RGL1: variants seen among roughly 807,000 people sequenced by gnomAD.
RGL1 encodes ral guanine nucleotide dissociation stimulator like 1.
A neutral mutation model predicts 95.2 loss-of-function variants in RGL1; 24 were observed. The ratio of observed to expected loss-of-function variants is 0.25; its 90% confidence interval spans 0.18 to 0.35. RGL1 has a LOEUF of 0.35. Ranked by LOEUF, RGL1 falls within the 10% of genes least tolerant of loss-of-function variation. The pLI is 1.00. For synonymous variants in RGL1, 329 were observed against 344.9 expected, an observed-to-expected ratio of 0.95 and a Z score of 0.51; for missense variants, 715 against 936.3, an observed-to-expected ratio of 0.76 and a Z score of 3.08.
At chr1:183,730,920 A>G (rs1031817254) in intron 1 of RGL1, among the ~76,000 whole-genome samples, 1 of 152,218 alleles carries the variant, frequency 6.6e-6, no homozygotes, top group Non-Finnish European at 1.5e-5. Flanking sequence ...TTAAGGGCAC[A>G]CAAAAGAGTA....
At chr1:183,697,053 T>C (rs1654293937) in intron 1 of RGL1, among the ~76,000 whole-genome samples, 1 of 152,216 alleles carries the variant, frequency 6.6e-6, no homozygotes, top group African/African-American at 2.4e-5. Flanking sequence ...AATTACAATA[T>C]GTATGGTAAA....
chr1:183,696,388 C>A lies in RGL1; in HGVS notation c.-32-45738C>A, dbSNP rs12091754. 1.8e-3 allele frequency among the ~76,000 whole-genome samples: 280 copies of A among 152,284 alleles called. 6 individuals are homozygous for A. The East Asian group carries it at 0.043, about 23-fold the overall frequency. ...AAAATGATTCCAGAGAATATTTTCT[C>A]AACTTTTTCCAAGGAAAATAACTAG... On this transcript the variant is annotated intron_variant, in intron 1 of 18. Coordinates refer to the RGL1 transcript ENST00000304685.
chr1:183,648,285 G>A, intron 1 of RGL1: 1 of 1,614,178 alleles, frequency 6.2e-7, no homozygotes, highest in Admixed American at 1.7e-5. Context: ...CCATGCTGAG[G>A]CAGGAAAGTC....
intron 1 of RGL1, among the ~76,000 whole-genome samples, chr1:183,715,434 G>A (rs17559937): frequency 0.52 from 78,346 of 151,820 alleles, 20,867 homozygotes; most frequent in East Asian, 0.88. Context: ...ATTTTCACAC[G>A]TCTGTCTCCC....
chr1:183,677,675 T>C (rs1209235061), intron 1 of RGL1, among the ~76,000 whole-genome samples: 1 of 152,204 alleles, frequency 6.6e-6, no homozygotes, highest in Non-Finnish European at 1.5e-5. Flanking sequence ...TGCTATGTAT[T>C]GAACCTTTAT....
intron 2 of RGL1, among the ~76,000 whole-genome samples, chr1:183,824,903 C>T (rs1226190699): frequency 6.6e-6 from 1 of 152,122 alleles, no homozygotes; most frequent in African/African-American, 2.4e-5. Context: ...ATGTAATCAC[C>T]CTCCGCCAAG....
intron 1 of RGL1, among the ~76,000 whole-genome samples, chr1:183,695,061 T>TA (rs1654174825): frequency 6.6e-6 from 1 of 152,208 alleles, no homozygotes. Context: ...TTGGATGATC[T>TA]AAGTGGAAAA....
upstream of RGL1, among the ~76,000 whole-genome samples, chr1:183,804,666 T>TA (rs1310873293): frequency 1.3e-5 from 2 of 152,230 alleles, no homozygotes; most frequent in East Asian, 1.9e-4. Context: ...GGAGAGGGTA[T>TA]AGCCCCTGGG....
chr1:183,679,287 T>C (rs1572265044), intron 1 of RGL1, among the ~76,000 whole-genome samples: 2 of 152,288 alleles, frequency 1.3e-5, no homozygotes, highest in East Asian at 1.9e-4. Context: ...GTGCAGAACA[T>C]GCAGGTTTGT....
chr1:183,808,077 G>A (rs1661459390), intron 2 of RGL1, among the ~76,000 whole-genome samples: 2 of 152,128 alleles, frequency 1.3e-5, no homozygotes, highest in South Asian at 4.2e-4. Context: ...TTGCTTGGGT[G>A]ACTGTTTTAG....
chr1:183,882,159 T>A (rs1254551211), intron 5 of RGL1, among the ~76,000 whole-genome samples: 1 of 152,250 alleles, frequency 6.6e-6, no homozygotes, highest in Non-Finnish European at 1.5e-5. Flanking sequence ...TCGTGCTTCA[T>A]GTTGTTACTT....
chr1:183,925,816 C>T (rs1461968610), intron 17 of RGL1, among the ~76,000 whole-genome samples: 1 of 152,188 alleles, frequency 6.6e-6, no homozygotes, highest in Non-Finnish European at 1.5e-5. Context: ...TTTTCTTGGC[C>T]TCTGTTTCCT....
At chr1:183,918,986 T>G (rs975414318) in intron 16 of RGL1, among the ~76,000 whole-genome samples, 1 of 152,232 alleles carries the variant, frequency 6.6e-6, no homozygotes, top group Non-Finnish European at 1.5e-5. Context: ...CTAGCAGTTC[T>G]CAAACTTTTT....
chr1:183,772,670 G>T (rs1443824559), intron 2 of RGL1, among the ~76,000 whole-genome samples: 1 of 152,034 alleles, frequency 6.6e-6, no homozygotes, highest in Non-Finnish European at 1.5e-5. Flanking sequence ...GAGATTTTGG[G>T]GTTGGCAGGC....
At chr1:183,709,911 C>G (rs1655158230) in intron 1 of RGL1, 1 of 153,594 alleles carries the variant, frequency 6.5e-6, no homozygotes, top group Non-Finnish European at 1.4e-5. Context: ...GCACCCATTC[C>G]TGGTTCCCAC....
chr1:183,880,668 C>A lies in RGL1; in HGVS notation c.478C>A (p.Arg160=). The A allele has an allele frequency of 6.2e-7, 1 of 1,613,900 alleles. No homozygotes were observed. Among genetic ancestry groups the A allele is most frequent in the Non-Finnish European group, 8.5e-7 (1 of 1,179,848 alleles). The change falls in exon 5 of 18, where the codon CGA becomes AGA. Residue 160 remains arginine, a synonymous_variant. Coordinates refer to ENST00000360851, the MANE Select transcript of RGL1 (RefSeq NM_001297671.3). ...AWLDQCAEDF[R]EPPHFPCLQK... ...GCTTGACCAGTGTGCAGAAGACTTC[C>A]GAGAGCCCCCTCACTTCCCTTGCTT...
intron 2 of RGL1, among the ~76,000 whole-genome samples, chr1:183,767,533 C>T (rs1659042745): frequency 6.6e-6 from 1 of 152,118 alleles, no homozygotes; most frequent in Non-Finnish European, 1.5e-5. Context: ...GGGATGTGAC[C>T]AGTTAAGTAC....
intron 2 of RGL1, among the ~76,000 whole-genome samples, chr1:183,843,035 A>T (rs1664172187): frequency 6.6e-6 from 1 of 152,226 alleles, no homozygotes; most frequent in Non-Finnish European, 1.5e-5. Flanking sequence ...TTTCATAAGA[A>T]ATGTACTCTA....
intron 1 of RGL1, among the ~76,000 whole-genome samples, chr1:183,689,064 A>T (rs1033652764): frequency 2.0e-5 from 3 of 152,190 alleles, no homozygotes; most frequent in Admixed American, 6.5e-5. Context: ...AAATTGTATT[A>T]AAAATATTCT....
Sources: allele counts gnomAD v4.1 joint callset (sites outside exome capture counted in the v4.1 genomes callset), GRCh38; gene constraint gnomAD v4.1.1; transcripts MANE v1.5; gene names NCBI Gene and HGNC (gene_info 2026-07-23, HGNC 2026-07-21).